Variants in VSTM1 observed in about 807,000 individuals in gnomAD.
The protein encoded by VSTM1 is V-set and transmembrane domain-containing protein 1.
In VSTM1, 27 loss-of-function variants were observed where a neutral mutation model predicts 33.1. That is an observed-to-expected ratio of 0.82 (90% CI 0.60 to 1.12). VSTM1 has a LOEUF of 1.12. Among genes scored for constraint, VSTM1 ranks in the 50% most tolerant of loss-of-function variants. The pLI, the probability that VSTM1 is intolerant of heterozygous loss-of-function variation, is 0.00. For missense variants in VSTM1, 304 were observed against 288.9 expected (o/e 1.05, Z -0.38); for synonymous variants, 115 against 110.3 (o/e 1.04, Z -0.27).
Position 54,042,064 on chromosome 19 carries a change from A to G in VSTM1, c.515+105T>C, listed in dbSNP as rs2070308054. 11 of 1,606,584 alleles carry G rather than the reference A, an allele frequency of 6.8e-6. No individual in the cohort carries two copies. The South Asian group carries it at 1.2e-4, about 18-fold the overall frequency. On this transcript the variant is annotated intron_variant, in intron 6 of 8. Transcript: ENST00000338372. ...AGAAGGGAGAGGAGGAAGGTCACAG[A>G]ATGGGCTGGGGTGGGGGCTCAGGGT...
chr19:54,042,066 T>C (rs755696697), intron 6 of VSTM1, 103 bp downstream of exon 6: 183 of 1,603,502 alleles, frequency 1.1e-4, no homozygotes, highest in Non-Finnish European at 1.5e-4. Context: ...GGTCACAGAA[T>C]GGGCTGGGGT....
Position 54,058,455 on chromosome 19 carries a change from T to C in VSTM1, c.206A>G (p.Lys69Arg). 3 of 1,614,090 alleles carry C rather than the reference T, an allele frequency of 1.9e-6. No individual in the cohort carries two copies. The highest frequency in any genetic ancestry group is 1.7e-6 in the Non-Finnish European group (2 of 1,180,014). The change falls in exon 3 of 9, where the codon AAG (lysine) becomes AGG (arginine). Residue 69 changes from lysine (K) to arginine (R), a missense_variant. Coordinates refer to ENST00000338372, the MANE Select transcript of VSTM1 (RefSeq NM_198481.4). ...VLRKVNDSGY[K>R]QEQSSAENEA... ...GTTTTCTGCCGAGCTCTGTTCCTGC[T>C]TGTACCCAGAGTCGTTCACCTTGCG...
At chr19:54,041,300 T>G (rs1402719385) in intron 8 of VSTM1, among the ~76,000 whole-genome samples, 1 of 151,974 alleles carries the variant, frequency 6.6e-6, no homozygotes, top group Non-Finnish European at 1.5e-5. Context: ...TTTTTAAATT[T>G]TTATTTATTT....
At chr19:54,049,553 C>T (rs1347961778) in intron 4 of VSTM1, among the ~76,000 whole-genome samples, 3 of 152,104 alleles carry the variant, frequency 2.0e-5, no homozygotes, top group African/African-American at 7.2e-5. Flanking sequence ...TACAAGAGCT[C>T]AAAATAGAAA....
At chr19:54,057,548 T>G (rs1418801292) in intron 3 of VSTM1, among the ~76,000 whole-genome samples, 1 of 147,854 alleles carries the variant, frequency 6.8e-6, no homozygotes. Flanking sequence ...AGTGGCTCAC[T>G]CCTGTAATCT....
chr19:54,059,347 C>A (rs747816834), intron 1 of VSTM1, among the ~76,000 whole-genome samples: 1 of 152,088 alleles, frequency 6.6e-6, no homozygotes, highest in Non-Finnish European at 1.5e-5. Context: ...AGGCGTGAGC[C>A]ACTGCCCCCG....
chr19:54,043,180 TA>T (rs1331886858), intron 4 of VSTM1, among the ~76,000 whole-genome samples: 2 of 151,984 alleles, frequency 1.3e-5, no homozygotes, highest in African/African-American at 4.8e-5. Flanking sequence ...CCCACTGTCA[TA>T]GGGGTGGGCC....
At chr19:54,042,837 T>TATATATATATATATATATATATAC (rs1320221580) in intron 4 of VSTM1, among the ~76,000 whole-genome samples, 1 of 66,420 alleles carries the variant, frequency 1.5e-5, no homozygotes, top group African/African-American at 5.5e-5. Flanking sequence ...TATATATATA[T>TATATATATATATATATATATATAC]ACATATATAT....
intron 1 of VSTM1, among the ~76,000 whole-genome samples, chr19:54,060,314 C>A (rs189267254): frequency 2.0e-4 from 30 of 152,262 alleles, no homozygotes; most frequent in African/African-American, 6.7e-4. Context: ...GGGAAGGTAG[C>A]GTCTTAAACT....
At chr19:54,046,429 G>A (rs946582484) in intron 4 of VSTM1, among the ~76,000 whole-genome samples, 1 of 152,126 alleles carries the variant, frequency 6.6e-6, no homozygotes, top group Admixed American at 6.6e-5. Context: ...AACTTGAAGA[G>A]TTAGGTAATG....
At chr19:54,056,214 C>CTTTTCT (rs2071087721) in intron 3 of VSTM1, among the ~76,000 whole-genome samples, 2 of 39,182 alleles carry the variant, frequency 5.1e-5, no homozygotes, top group African/African-American at 1.9e-4. Flanking sequence ...CTTTTCTTTT[C>CTTTTCT]TTTTTTTTTT....
chr19:54,041,827 A>G lies in VSTM1; in HGVS notation c.554-11T>C. On this transcript the variant is annotated splice_polypyrimidine_tract_variant and intron_variant, in intron 7 of 8. Transcript: ENST00000338372. ...TGGATAAATCTGCCTCTGAGTGAGAAAGGAAAAAAAAAAATCAGTTCTCAG... is the reference window on the plus strand; with the variant it reads ...TGGATAAATCTGCCTCTGAGTGAGAGAGGAAAAAAAAAAATCAGTTCTCAG... 1 of 1,613,564 alleles carries G rather than the reference A, an allele frequency of 6.2e-7. No homozygotes were observed. The highest frequency in any genetic ancestry group is 8.5e-7 in the Non-Finnish European group (1 of 1,179,794).
chr19:54,053,097 G>A (rs1170547106), intron 3 of VSTM1: 1 of 143,112 alleles, frequency 7.0e-6, no homozygotes, highest in Non-Finnish European at 1.5e-5. Flanking sequence ...GCAGACTCTA[G>A]GACCAGTTCA....
At position 54,058,730 on chromosome 19, in the gene VSTM1, G is replaced by A; in HGVS notation, c.37C>T (p.Leu13=). ...AEFLSLLCLG[L]CLGYEDEKKN... is the part of the protein sequence containing the mutation. Reference sequence around the variant, plus strand: ...TTCTCATCTTCGTAGCCCAGACACAGCCCTGGAAGAGAAATCTCAATGAGA... The same window carrying A: ...TTCTCATCTTCGTAGCCCAGACACAACCCTGGAAGAGAAATCTCAATGAGA... The change falls in exon 2 of 9, where the codon CTG becomes TTG. Residue 13 remains leucine (L), a splice_region_variant and synonymous_variant. Coordinates refer to ENST00000338372, the MANE Select transcript of VSTM1 (RefSeq NM_198481.4). 1 of 1,613,736 alleles carries A rather than the reference G, an allele frequency of 6.2e-7. No individual in the cohort carries two copies. Among genetic ancestry groups the A allele is most frequent in the Non-Finnish European group, 8.5e-7 (1 of 1,179,964 alleles).
At chr19:54,042,841 T>TATATATATATATATATATATATATAC (rs2070388941) in intron 4 of VSTM1, among the ~76,000 whole-genome samples, 3 of 96,408 alleles carry the variant, frequency 3.1e-5, no homozygotes, top group Non-Finnish European at 4.4e-5. Context: ...TATATATACA[T>TATATATATATATATATATATATATAC]ATATATATAT....
intron 3 of VSTM1, chr19:54,055,730 C>T (rs2071055706): frequency 1.4e-5 from 2 of 142,460 alleles, no homozygotes; most frequent in African/African-American, 5.2e-5. Context: ...AGTGAGACAT[C>T]GAAGTGTCCT....
intron 3 of VSTM1, among the ~76,000 whole-genome samples, chr19:54,057,821 A>C (rs1200860073): frequency 6.7e-6 from 1 of 149,194 alleles, no homozygotes; most frequent in Non-Finnish European, 1.5e-5. Context: ...AAAAAAAAAA[A>C]AGGCTGGGTG....
intron 5 of VSTM1, 36 bp downstream of exon 5, chr19:54,042,241 A>G (rs368778711): frequency 4.2e-5 from 68 of 1,612,816 alleles, no homozygotes; most frequent in Non-Finnish European, 4.0e-5. Flanking sequence ...AAAATCCTTC[A>G]CTCCCCCTCT....
At position 54,050,242 on chromosome 19, in the gene VSTM1, G is replaced by A. The variant is rs181928438; in HGVS notation, c.394+1168C>T. ...TCGAACTCCTGACCTCAGGTGATCC[G>A]CCCACCTCGGCCTCCCAAAGTGCTG... On this transcript the variant is annotated intron_variant, in intron 4 of 8. Coordinates refer to ENST00000338372, the MANE Select transcript of VSTM1 (RefSeq NM_198481.4). 4.0e-3 allele frequency among the ~76,000 whole-genome samples: 608 copies of A among 151,686 alleles called. 2 individuals are homozygous for A. The highest frequency in any genetic ancestry group is 6.4e-3 in the Non-Finnish European group (435 of 67,910).
Sources: gnomAD v4.1 joint callset for allele counts (sites outside exome capture counted in the v4.1 genomes callset) on GRCh38, gnomAD v4.1.1 for gene constraint, MANE v1.5 for transcripts, NCBI Gene and HGNC (gene_info 2026-07-23, HGNC 2026-07-21) for gene names.